Variants in ATP9A observed in about 807,000 individuals in gnomAD.
ATP9A encodes the protein probable phospholipid-transporting ATPase IIA.
A neutral mutation model predicts 144.1 loss-of-function variants in ATP9A; 52 were observed. The observed-to-expected ratio is 0.36, with a 90% CI of 0.29 to 0.45. The LOEUF is 0.45. Among genes scored for constraint, ATP9A ranks in the 20% least tolerant of loss-of-function variants. The probability of loss-of-function intolerance (pLI) is 1.00; values close to 1 mark genes in which losing one functional copy is unlikely to be tolerated. For missense variants in ATP9A, 947 were observed against 1,392.7 expected (o/e 0.68, Z 5.09); for synonymous variants, 582 against 557.4 (o/e 1.04, Z -0.62).
At chr20:51,684,695 C>CAAA (rs34692104) in intron 9 of ATP9A, among the ~76,000 whole-genome samples, 4 of 94,574 alleles carry the variant, frequency 4.2e-5, no homozygotes, top group Admixed American at 1.2e-4. Flanking sequence ...GACTCTGTCT[C>CAAA]AAAAAAAAAA....
At chr20:51,708,391 T>C (rs1168623036) in intron 4 of ATP9A, among the ~76,000 whole-genome samples, 6 of 152,102 alleles carry the variant, frequency 3.9e-5, no homozygotes, top group Non-Finnish European at 8.8e-5. Flanking sequence ...CTGTCATCCA[T>C]TTTTCCTCCC....
chr20:51,635,027 A>AC (rs11482446), intron 15 of ATP9A, among the ~76,000 whole-genome samples: 134,806 of 151,754 alleles, frequency 0.89, 59,987 homozygotes, highest in African/African-American at 0.92. Context: ...TGTGTCAGCC[A>AC]CCCCCCTGGA....
In ATP9A at chr20:51,618,819, G is replaced by A. The variant is rs2077214070; in HGVS notation, c.2206-13C>T. The A allele has an allele frequency of 6.3e-7, 1 of 1,581,436 alleles. No homozygotes were observed. The highest frequency in any genetic ancestry group is 8.6e-7 in the Non-Finnish European group (1 of 1,161,266). ...ACTTGAGGCAAACCTGCAGGGTGGA[G>A]GGAGAGGTGGTGCGTTGGTGGAGGG... On this transcript the variant is annotated splice_polypyrimidine_tract_variant and intron_variant, in intron 20 of 27. Transcript: ENST00000338821.
intron 4 of ATP9A, among the ~76,000 whole-genome samples, chr20:51,709,944 A>T (rs1342148980): frequency 1.3e-5 from 2 of 152,192 alleles, no homozygotes; most frequent in Non-Finnish European, 1.5e-5. Context: ...TAATCTAGTG[A>T]TCAAGGCATT....
chr20:51,715,511 G>T (rs1260628577), intron 3 of ATP9A, among the ~76,000 whole-genome samples: 5 of 152,188 alleles, frequency 3.3e-5, no homozygotes, highest in African/African-American at 9.6e-5. Flanking sequence ...TCTCTGCGTG[G>T]GCCTGGCTAA....
At chr20:51,698,860 A>C (rs1025608851) in intron 4 of ATP9A, among the ~76,000 whole-genome samples, 1 of 152,192 alleles carries the variant, frequency 6.6e-6, no homozygotes, top group Non-Finnish European at 1.5e-5. Context: ...GAGAGATGAA[A>C]GTGGAAGGGG....
intron 10 of ATP9A, among the ~76,000 whole-genome samples, chr20:51,675,252 G>C (rs985974860): frequency 1.3e-5 from 2 of 152,208 alleles, no homozygotes; most frequent in Non-Finnish European, 2.9e-5. Context: ...TAGTTGTAAT[G>C]ATGGCTGTAA....
intron 4 of ATP9A, among the ~76,000 whole-genome samples, chr20:51,701,969 C>T (rs533463188): frequency 6.6e-6 from 1 of 151,316 alleles, no homozygotes; most frequent in African/African-American, 2.4e-5. Context: ...GAGACCAGCC[C>T]GGGCCGCATG....
At chr20:51,625,901 A>G (rs1364348235) in intron 17 of ATP9A, among the ~76,000 whole-genome samples, 1 of 152,226 alleles carries the variant, frequency 6.6e-6, no homozygotes, top group East Asian at 1.9e-4. Flanking sequence ...TTAAAATTAA[A>G]AGGCAGGTAG....
intron 4 of ATP9A, among the ~76,000 whole-genome samples, chr20:51,702,791 A>G (rs1044062707): frequency 6.6e-6 from 1 of 152,190 alleles, no homozygotes; most frequent in African/African-American, 2.4e-5. Flanking sequence ...GGGGAAGAAC[A>G]AGATACGGAG....
chr20:51,735,122 C>G (rs925110174), intron 1 of ATP9A: 14 of 160,884 alleles, frequency 8.7e-5, no homozygotes, highest in African/African-American at 3.1e-4. Flanking sequence ...TCTGGGCTGC[C>G]GTCTGCATGG....
intron 13 of ATP9A, among the ~76,000 whole-genome samples, chr20:51,661,264 A>G (rs991202013): frequency 6.6e-6 from 1 of 152,230 alleles, no homozygotes; most frequent in Non-Finnish European, 1.5e-5. Context: ...TTGAGTCACC[A>G]GGAATGCCAG....
At chr20:51,685,038 AAAT>A (rs1340701794) in intron 9 of ATP9A, among the ~76,000 whole-genome samples, 6 of 144,634 alleles carry the variant, frequency 4.1e-5, no homozygotes, top group South Asian at 2.2e-4. Flanking sequence ...AAAAAAAAAA[AAAT>A]ACAAATAAAT....
At chr20:51,662,708 G>T (rs2077415906) in intron 13 of ATP9A, among the ~76,000 whole-genome samples, 1 of 152,016 alleles carries the variant, frequency 6.6e-6, no homozygotes, top group Admixed American at 6.6e-5. Flanking sequence ...AAAGAAGGAA[G>T]TTAAATAGTG....
intron 9 of ATP9A, among the ~76,000 whole-genome samples, chr20:51,686,926 C>CTT (rs11086353): frequency 0.015 from 2,153 of 142,618 alleles, 48 homozygotes; most frequent in African/African-American, 0.046. Context: ...CAGAGGGACT[C>CTT]TTTTTTTTTT....
At chr20:51,691,097 A>G (rs553149989) in intron 7 of ATP9A, among the ~76,000 whole-genome samples, 56 of 152,220 alleles carry the variant, frequency 3.7e-4, no homozygotes, top group African/African-American at 1.3e-3. Flanking sequence ...GATGCTACAC[A>G]CCTATGAATA....
At chr20:51,699,641 ACTT>A (rs1033738166) in intron 4 of ATP9A, among the ~76,000 whole-genome samples, 4 of 151,734 alleles carry the variant, frequency 2.6e-5, no homozygotes, top group Middle Eastern at 3.4e-3. Context: ...CTGACTTCTG[ACTT>A]CTTTTTTTTT....
At chr20:51,668,664 C>T (rs1281052498) in intron 13 of ATP9A, among the ~76,000 whole-genome samples, 3 of 152,176 alleles carry the variant, frequency 2.0e-5, no homozygotes, top group African/African-American at 7.2e-5. Context: ...CTTAATAGTG[C>T]TAAAGTACAT....
intron 7 of ATP9A, among the ~76,000 whole-genome samples, chr20:51,691,988 A>G (rs1568823052): frequency 6.6e-6 from 1 of 152,244 alleles, no homozygotes; most frequent in Non-Finnish European, 1.5e-5. Flanking sequence ...TAAATAAACC[A>G]GTCACAAAAA....
Sources: allele counts gnomAD v4.1 joint callset (sites outside exome capture counted in the v4.1 genomes callset), GRCh38; gene constraint gnomAD v4.1.1; transcripts MANE v1.5; gene names NCBI Gene and HGNC (gene_info 2026-07-23, HGNC 2026-07-21).